The following RBFOX1 variants were observed in gnomAD, a reference collection of about 807,000 sequenced individuals.
The protein encoded by RBFOX1 is RNA binding fox-1 homolog 1, also known as RNA binding protein fox-1 homolog 1.
Under a neutral mutation model 57.7 loss-of-function variants are expected in RBFOX1, and 8 were observed. That is an observed-to-expected ratio of 0.14 (90% CI 0.08 to 0.25). The LOEUF (loss-of-function observed/expected upper bound fraction) is 0.25, where lower values mean the gene tolerates loss of function less well. RBFOX1 is among the 10% of genes least tolerant of loss of function. RBFOX1 has a pLI of 1.00. For synonymous variants in RBFOX1, 326 were observed against 222.4 expected, an observed-to-expected ratio of 1.47 and a Z score of -4.15; for missense variants, 611 against 548.5, an observed-to-expected ratio of 1.11 and a Z score of -1.14.
chr16:7,111,391 T>C (rs1402769549), intron 4 of RBFOX1, among the ~76,000 whole-genome samples: 1 of 152,232 alleles, frequency 6.6e-6, no homozygotes, highest in East Asian at 1.9e-4. Context: ...AGTAAATAAA[T>C]CATTTTTATT....
At chr16:6,288,277 A>C (rs991122514) in intron 1 of RBFOX1, among the ~76,000 whole-genome samples, 2 of 152,186 alleles carry the variant, frequency 1.3e-5, no homozygotes, top group African/African-American at 4.8e-5. Flanking sequence ...TATGTTGTGC[A>C]TATGAGTCAT....
intron 4 of RBFOX1, among the ~76,000 whole-genome samples, chr16:7,469,155 C>T (rs1188990571): frequency 6.6e-6 from 1 of 152,020 alleles, no homozygotes; most frequent in East Asian, 1.9e-4. Flanking sequence ...AGGATGGTCT[C>T]AATCTCCTGA....
At chr16:7,049,124 C>A (rs909410512) in intron 3 of RBFOX1, among the ~76,000 whole-genome samples, 2 of 152,144 alleles carry the variant, frequency 1.3e-5, no homozygotes, top group African/African-American at 2.4e-5. Flanking sequence ...AAATTATTTT[C>A]TCTCCGGGAT....
chr16:5,898,722 A>G (rs1376353456), intron 4 of RBFOX1, among the ~76,000 whole-genome samples: 1 of 151,968 alleles, frequency 6.6e-6, no homozygotes, highest in Non-Finnish European at 1.5e-5. Flanking sequence ...TTTAACCATT[A>G]TGCTCTACTA....
At chr16:7,092,566 C>G (rs2061037315) in intron 4 of RBFOX1, among the ~76,000 whole-genome samples, 1 of 152,176 alleles carries the variant, frequency 6.6e-6, no homozygotes, top group South Asian at 2.1e-4. Context: ...GTTGTTTCTG[C>G]TTATAAAAAT....
At chr16:6,634,351 A>G (rs976934852) in intron 2 of RBFOX1, among the ~76,000 whole-genome samples, 2 of 152,048 alleles carry the variant, frequency 1.3e-5, no homozygotes, top group African/African-American at 4.8e-5. Context: ...CAGATCCAAC[A>G]ACTGTCAGCT....
intron 5 of RBFOX1, among the ~76,000 whole-genome samples, chr16:7,528,416 T>C (rs1039229872): frequency 6.6e-6 from 1 of 152,192 alleles, no homozygotes; most frequent in Admixed American, 6.5e-5. Context: ...AGGACTGATG[T>C]AAGTGTTTGA....
intron 1 of RBFOX1, among the ~76,000 whole-genome samples, chr16:6,063,829 C>G (rs1352800841): frequency 6.6e-6 from 1 of 152,134 alleles, no homozygotes; most frequent in Non-Finnish European, 1.5e-5. Context: ...GATGTAGATG[C>G]TTGACAGCCT....
intron 4 of RBFOX1, among the ~76,000 whole-genome samples, chr16:7,463,608 G>T (rs575490231): frequency 5.3e-5 from 8 of 152,306 alleles, no homozygotes; most frequent in African/African-American, 1.7e-4. Flanking sequence ...TTGGTGTTAA[G>T]ATTTCACCAT....
intron 4 of RBFOX1, among the ~76,000 whole-genome samples, chr16:7,225,919 T>TATATATATATAA (rs1315130232): frequency 0.17 from 24,760 of 141,696 alleles, 2,654 homozygotes; most frequent in African/African-American, 0.19. Context: ...TATATATATA[T>TATATATATATAA]AAATGTGAAT....
At chr16:5,640,390 A>G (rs1456276922) in intron 3 of RBFOX1, among the ~76,000 whole-genome samples, 6 of 152,142 alleles carry the variant, frequency 3.9e-5, no homozygotes, top group Non-Finnish European at 8.8e-5. Context: ...GCATGCATGC[A>G]TGCATGCACA....
intron 3 of RBFOX1, among the ~76,000 whole-genome samples, chr16:5,834,521 T>G (rs12709140): frequency 0.5 from 76,121 of 151,566 alleles, 19,348 homozygotes; most frequent in East Asian, 0.71. Context: ...GCACTTGGTT[T>G]GTTTCATATA....
At chr16:6,585,727 G>C (rs2097601227) in intron 2 of RBFOX1, among the ~76,000 whole-genome samples, 1 of 137,188 alleles carries the variant, frequency 7.3e-6, no homozygotes, top group African/African-American at 3.1e-5. Context: ...GCAGTTCAAA[G>C]GGGGCAAAAA....
chr16:6,118,010 T>A (rs1001393976), intron 1 of RBFOX1, among the ~76,000 whole-genome samples: 4 of 152,194 alleles, frequency 2.6e-5, no homozygotes, highest in Non-Finnish European at 5.9e-5. Flanking sequence ...TGTAAATAAT[T>A]TAAAAATTTT....
At chr16:6,230,077 G>A (rs1320057395) in intron 1 of RBFOX1, among the ~76,000 whole-genome samples, 2 of 152,014 alleles carry the variant, frequency 1.3e-5, no homozygotes, top group Non-Finnish European at 2.9e-5. Context: ...ATGGAAAATT[G>A]TAGATAATAA....
intron 1 of RBFOX1, among the ~76,000 whole-genome samples, chr16:6,124,574 C>T (rs944706548): frequency 4.6e-5 from 7 of 152,086 alleles, no homozygotes; most frequent in African/African-American, 1.2e-4. Context: ...ATAATCTCGG[C>T]TCATTTAAAC....
chr16:5,686,364 T>C (rs774449037), intron 3 of RBFOX1, among the ~76,000 whole-genome samples: 6 of 152,164 alleles, frequency 3.9e-5, no homozygotes, highest in Non-Finnish European at 5.9e-5. Context: ...TTTTGGGTGG[T>C]TTGAATATTA....
At chr16:5,808,317 T>G (rs2055301344) in intron 3 of RBFOX1, among the ~76,000 whole-genome samples, 1 of 152,238 alleles carries the variant, frequency 6.6e-6, no homozygotes, top group South Asian at 2.1e-4. Context: ...TTTTGGTTAC[T>G]GTACCCTTGT....
intron 3 of RBFOX1, among the ~76,000 whole-genome samples, chr16:6,877,784 T>G (rs1402993312): frequency 6.6e-6 from 1 of 152,010 alleles, no homozygotes; most frequent in Non-Finnish European, 1.5e-5. Context: ...CTTTAACGCA[T>G]GCAGTTACAT....
Sources: allele counts gnomAD v4.1 joint callset (sites outside exome capture counted in the v4.1 genomes callset), GRCh38; gene constraint gnomAD v4.1.1; transcripts MANE v1.5; gene names NCBI Gene and HGNC (gene_info 2026-07-23, HGNC 2026-07-21).